EYS: variants seen among roughly 807,000 people sequenced by gnomAD.
The protein encoded by EYS is EGF-like photoreceptor maintenance factor, also known as protein eyes shut homolog.
EYS carries 250 observed loss-of-function variants against 282.1 expected under a neutral mutation model. The observed-to-expected ratio is 0.89, with a 90% CI of 0.80 to 0.98. The LOEUF is 0.98. Ranked by LOEUF, EYS falls within the 50% of genes least tolerant of loss-of-function variation. The probability of loss-of-function intolerance (pLI) is 0.00; values close to 1 mark genes in which losing one functional copy is unlikely to be tolerated. For synonymous variants in EYS, 1,355 were observed against 1,282.9 expected (o/e 1.06, Z -1.20); for missense variants, 4,016 against 3,709.0 (o/e 1.08, Z -2.15).
chr6:65,343,980 A>G, intron 10 of EYS, 58 bp downstream of exon 10: 24 of 1,435,186 alleles, frequency 1.7e-5, no homozygotes, highest in Non-Finnish European at 2.4e-5. Context: ...CTTTCTAAAA[A>G]TCAGACAATT....
In EYS at chr6:63,808,251, C is replaced by T. The variant is rs776027929; in HGVS notation, c.7229-1879G>A. Among the ~76,000 whole-genome samples, 45 of 152,030 alleles carry T rather than the reference C, an allele frequency of 3.0e-4. No homozygotes were observed. In the Middle Eastern group the frequency reaches 0.01, roughly 34 times the overall value. ...AACAGCATGTTCTAGGGTGTGAAGACCAAAACAGCATGTCATACTCAGGGA... is the reference window on the plus strand; with the variant it reads ...AACAGCATGTTCTAGGGTGTGAAGATCAAAACAGCATGTCATACTCAGGGA... On this transcript the variant is annotated intron_variant, in intron 36 of 42. Coordinates refer to ENST00000503581, the MANE Select transcript of EYS (RefSeq NM_001142800.2).
chr6:63,959,758 A>G (rs758039582), intron 35 of EYS, among the ~76,000 whole-genome samples: 1 of 152,212 alleles, frequency 6.6e-6, no homozygotes, highest in Non-Finnish European at 1.5e-5. Context: ...AAAGTAACAC[A>G]GGAACAGAGA....
chr6:64,096,109 G>T (rs576876601), intron 31 of EYS, among the ~76,000 whole-genome samples: 19 of 152,318 alleles, frequency 1.2e-4, no homozygotes, highest in African/African-American at 4.3e-4. Flanking sequence ...TAGAGTTTCT[G>T]CCGAGAGATC....
intron 22 of EYS, among the ~76,000 whole-genome samples, chr6:64,653,374 G>A (rs1307439709): frequency 6.6e-6 from 1 of 152,028 alleles, no homozygotes; most frequent in Non-Finnish European, 1.5e-5. Flanking sequence ...AAGTAATATA[G>A]ATACCTCTAT....
At chr6:64,713,076 G>C (rs1771264150) in intron 22 of EYS, among the ~76,000 whole-genome samples, 1 of 152,160 alleles carries the variant, frequency 6.6e-6, no homozygotes, top group Non-Finnish European at 1.5e-5. Flanking sequence ...AACAGCCAAG[G>C]AAAATGCATT....
chr6:64,267,729 A>G (rs973834946), intron 30 of EYS, among the ~76,000 whole-genome samples: 5 of 152,238 alleles, frequency 3.3e-5, no homozygotes, highest in African/African-American at 1.2e-4. Flanking sequence ...GGGAATCAAT[A>G]TAAATTAACC....
chr6:65,443,068 T>C (rs1768434862), intron 5 of EYS, among the ~76,000 whole-genome samples: 1 of 151,698 alleles, frequency 6.6e-6, no homozygotes, highest in African/African-American at 2.4e-5. Context: ...ATATATGTGA[T>C]ATGTATGTGT....
chr6:63,765,539 T>G (rs1769765854), intron 40 of EYS, among the ~76,000 whole-genome samples: 1 of 151,918 alleles, frequency 6.6e-6, no homozygotes. Context: ...GGTGTACATA[T>G]TTCTGGGGTA....
At chr6:65,547,270 A>G (rs1455529184) in intron 2 of EYS, among the ~76,000 whole-genome samples, 1 of 151,268 alleles carries the variant, frequency 6.6e-6, no homozygotes, top group African/African-American at 2.4e-5. Flanking sequence ...GGAAATCCTT[A>G]GAAAGATTTC....
At chr6:64,790,734 G>C (rs1244798195) in intron 22 of EYS, among the ~76,000 whole-genome samples, 1 of 151,820 alleles carries the variant, frequency 6.6e-6, no homozygotes, top group East Asian at 1.9e-4. Context: ...TTACTTCTAT[G>C]TAAGGTTTAA....
At chr6:65,468,498 T>TTTAG (rs999920648) in intron 5 of EYS, among the ~76,000 whole-genome samples, 128 of 152,124 alleles carry the variant, frequency 8.4e-4, no homozygotes, top group East Asian at 1.2e-3. Flanking sequence ...TATTTATTTA[T>TTTAG]TTAGTTAGTT....
In EYS at chr6:64,256,381, A is replaced by G. The variant is rs145108167; in HGVS notation, c.6192-25557T>C. On this transcript the variant is annotated intron_variant, in intron 30 of 42. Coordinates refer to ENST00000503581, the MANE Select transcript of EYS (RefSeq NM_001142800.2). ...ATGACTGATTTTAGATGTAGGAGTA[A>G]GCATACTAATTCATTAGACACTTTG... Among the ~76,000 whole-genome samples the G allele has an allele frequency of 2.9e-3, 444 of 152,112 alleles. 3 individuals carry two copies. The highest frequency in any genetic ancestry group is 1.0e-2 in the African/African-American group (414 of 41,518).
At chr6:64,320,091 GT>G (rs200761196) in intron 29 of EYS, among the ~76,000 whole-genome samples, 2 of 151,950 alleles carry the variant, frequency 1.3e-5, no homozygotes, top group East Asian at 1.9e-4. Context: ...GTGTTGAAGG[GT>G]TTTTTTGTTT....
chr6:65,081,696 T>A (rs577802388), intron 12 of EYS, among the ~76,000 whole-genome samples: 1 of 152,138 alleles, frequency 6.6e-6, no homozygotes, highest in South Asian at 2.1e-4. Flanking sequence ...ACTGGTTATT[T>A]AAAAAAATGA....
At chr6:65,119,970 C>G (rs1958922) in intron 12 of EYS, among the ~76,000 whole-genome samples, 34,304 of 150,860 alleles carry the variant, frequency 0.23, 4,480 homozygotes, top group African/African-American at 0.34. Context: ...ACCTACCCCC[C>G]CTCCCCGTCT....
intron 12 of EYS, among the ~76,000 whole-genome samples, chr6:65,095,407 G>A (rs1774710923): frequency 1.3e-5 from 2 of 150,158 alleles, no homozygotes; most frequent in South Asian, 4.2e-4. Flanking sequence ...TTTAAATGTT[G>A]AAAGTTGCTA....
chr6:65,297,383 G>A (rs1433899881), intron 11 of EYS, among the ~76,000 whole-genome samples: 1 of 151,776 alleles, frequency 6.6e-6, no homozygotes, highest in Non-Finnish European at 1.5e-5. Context: ...AACTGTATAT[G>A]ACGGTAAGCG....
chr6:64,124,295 G>T (rs1373831697), intron 31 of EYS, among the ~76,000 whole-genome samples: 1 of 152,042 alleles, frequency 6.6e-6, no homozygotes, highest in Non-Finnish European at 1.5e-5. Flanking sequence ...TCTGCTCCAC[G>T]TTCTGGCCTT....
rs181344698 is a variant in EYS at position 65,654,101 on chromosome 6, T to A, written c.-447-14209A>T. On this transcript the variant is annotated intron_variant, in intron 1 of 42. Coordinates refer to ENST00000503581, the MANE Select transcript of EYS (RefSeq NM_001142800.2). ...TGTTTTTAGCATGCCCACTAAATACTTCAGAGTTAGTCATAAATTGACAAG... is the reference window on the plus strand; with the variant it reads ...TGTTTTTAGCATGCCCACTAAATACATCAGAGTTAGTCATAAATTGACAAG... Among the ~76,000 whole-genome samples the A allele has an allele frequency of 3.4e-4, 52 of 152,080 alleles. No homozygotes were observed. In the East Asian group the frequency reaches 4.6e-3, roughly 14 times the overall value.
Sources: gnomAD v4.1 joint callset for allele counts (sites outside exome capture counted in the v4.1 genomes callset) on GRCh38, gnomAD v4.1.1 for gene constraint, MANE v1.5 for transcripts, NCBI Gene and HGNC (gene_info 2026-07-23, HGNC 2026-07-21) for gene names.